Variants in CHST11 observed in about 807,000 individuals in gnomAD.
CHST11 encodes C4S-1.
A neutral mutation model predicts 30.4 loss-of-function variants in CHST11; 9 were observed. That is an observed-to-expected ratio of 0.30 (90% CI 0.18 to 0.52). The LOEUF is 0.52. Ranked by LOEUF, CHST11 falls within the 20% of genes least tolerant of loss-of-function variation. The probability of loss-of-function intolerance (pLI) is 0.97; values close to 1 mark genes in which losing one functional copy is unlikely to be tolerated. For missense variants in CHST11, 348 were observed against 460.6 expected, an observed-to-expected ratio of 0.76 and a Z score of 2.24; for synonymous variants, 152 against 187.8, an observed-to-expected ratio of 0.81 and a Z score of 1.56.
intron 1 of CHST11, among the ~76,000 whole-genome samples, chr12:104,574,644 G>A (rs999325519): frequency 8.6e-5 from 13 of 151,852 alleles, no homozygotes; most frequent in Non-Finnish European, 1.6e-4. Context: ...TCACTCATAG[G>A]TGGGAATTGA....
intron 1 of CHST11, among the ~76,000 whole-genome samples, chr12:104,568,675 C>G (rs2038593560): frequency 6.6e-6 from 1 of 152,112 alleles, no homozygotes; most frequent in Non-Finnish European, 1.5e-5. Flanking sequence ...TATCAACTCA[C>G]TTAAACCTGC....
rs187736460 is a variant in CHST11, at chr12:104,674,406, G to A, written c.204+72415G>A. ...TTATACTTAATCCTTGCATCCTAACGAGGAAGGTGCTGTTACAATCCACAT... is the reference window on the plus strand; with the variant it reads ...TTATACTTAATCCTTGCATCCTAACAAGGAAGGTGCTGTTACAATCCACAT... On this transcript the variant is annotated intron_variant, in intron 2 of 2. Coordinates refer to ENST00000303694, the MANE Select transcript of CHST11 (RefSeq NM_018413.6). 4.3e-4 allele frequency among the ~76,000 whole-genome samples: 66 copies of A among 152,266 alleles called. 1 individual carries two copies. The highest frequency in any genetic ancestry group is 2.9e-3 in the Admixed American group (45 of 15,298).
chr12:104,719,431 G>A (rs1048341165), intron 2 of CHST11, among the ~76,000 whole-genome samples: 2 of 152,112 alleles, frequency 1.3e-5, no homozygotes, highest in African/African-American at 2.4e-5. Flanking sequence ...ATCCACCCAC[G>A]CTCCCCTTGC....
At chr12:104,479,443 C>T (rs563126660) in intron 1 of CHST11, among the ~76,000 whole-genome samples, 21 of 152,256 alleles carry the variant, frequency 1.4e-4, no homozygotes, top group Non-Finnish European at 2.1e-4. Context: ...GCTCCTAGAA[C>T]GGTGCCTGTC....
chr12:104,604,108 G>A (rs989730399), intron 2 of CHST11, among the ~76,000 whole-genome samples: 2 of 152,260 alleles, frequency 1.3e-5, no homozygotes, highest in East Asian at 1.9e-4. Context: ...TTTGACTGGC[G>A]AGGCAGACTC....
rs1246853744 is a variant in CHST11, at chr12:104,457,304, C to T, written c.-108C>T. 3 of 712,902 alleles carry T rather than the reference C, an allele frequency of 4.2e-6. No individual in the cohort carries two copies. Among genetic ancestry groups the T allele is most frequent in the South Asian group, 1.6e-5 (1 of 61,178 alleles). 44.2% of individuals were successfully genotyped at this position (712,902 alleles called of 1,614,324 possible). A position where few individuals can be genotyped will look rare whatever the true frequency, so the allele number is the denominator to read the frequency against. ...TCCGATCCTCCCTCTGAGCCTTGCTCAGCTCTGCCCCGCGCCTCCCGGGCT... is the reference window on the plus strand; with the variant it reads ...TCCGATCCTCCCTCTGAGCCTTGCTTAGCTCTGCCCCGCGCCTCCCGGGCT... On this transcript the variant is annotated 5_prime_UTR_variant, in exon 1 of 3. Coordinates refer to ENST00000303694, the MANE Select transcript of CHST11 (RefSeq NM_018413.6).
At chr12:104,699,342 A>C (rs1233652936) in intron 2 of CHST11, among the ~76,000 whole-genome samples, 1 of 152,266 alleles carries the variant, frequency 6.6e-6, no homozygotes, top group Non-Finnish European at 1.5e-5. Flanking sequence ...AAGAGTACAA[A>C]GAAAGTAAAA....
intron 1 of CHST11, among the ~76,000 whole-genome samples, chr12:104,492,730 T>G (rs2135968723): frequency 6.6e-6 from 1 of 152,312 alleles, no homozygotes; most frequent in Middle Eastern, 3.4e-3. Flanking sequence ...ATTAAGGTTT[T>G]AGTAATAAGA....
At chr12:104,699,493 G>GT (rs565662198) in intron 2 of CHST11, among the ~76,000 whole-genome samples, 148 of 152,292 alleles carry the variant, frequency 9.7e-4, no homozygotes, top group African/African-American at 3.3e-3. Context: ...ATTTTAGATT[G>GT]TAAGTGTGGC....
At chr12:104,632,061 T>G (rs1258856691) in intron 2 of CHST11, among the ~76,000 whole-genome samples, 1 of 152,148 alleles carries the variant, frequency 6.6e-6, no homozygotes, top group Non-Finnish European at 1.5e-5. Context: ...GGAAGACAGA[T>G]GTAGGCACAG....
intron 1 of CHST11, among the ~76,000 whole-genome samples, chr12:104,594,710 A>G (rs1280221461): frequency 6.6e-6 from 1 of 152,128 alleles, no homozygotes; most frequent in Non-Finnish European, 1.5e-5. Context: ...TAATCCCAGC[A>G]CTCTGGGAGA....
chr12:104,469,548 G>A (rs2037488478), intron 1 of CHST11, among the ~76,000 whole-genome samples: 1 of 152,182 alleles, frequency 6.6e-6, no homozygotes, highest in African/African-American at 2.4e-5. Flanking sequence ...GGGTGGGTTA[G>A]CATGGCTCAT....
intron 2 of CHST11, among the ~76,000 whole-genome samples, chr12:104,730,453 A>G (rs2040247882): frequency 6.6e-6 from 1 of 152,180 alleles, no homozygotes; most frequent in Admixed American, 6.5e-5. Context: ...AACTCCTGCC[A>G]TGCTAGGTGT....
chr12:104,719,397 C>T (rs143272362), intron 2 of CHST11, among the ~76,000 whole-genome samples: 114 of 152,266 alleles, frequency 7.5e-4, no homozygotes, highest in African/African-American at 2.5e-3. Flanking sequence ...ACCTGAGATC[C>T]GAAGTTCTGG....
intron 1 of CHST11, among the ~76,000 whole-genome samples, chr12:104,544,705 TA>T (rs755404934): frequency 0.078 from 7,299 of 93,162 alleles, 747 homozygotes; most frequent in African/African-American, 0.22. Flanking sequence ...AGACTTGGTC[TA>T]AAAAAAAAAA....
chr12:104,473,896 C>T (rs1157249998), intron 1 of CHST11, among the ~76,000 whole-genome samples: 3 of 151,908 alleles, frequency 2.0e-5, no homozygotes, highest in Admixed American at 2.0e-4. Flanking sequence ...CTTTATTTTC[C>T]GTTAAAACAT....
At chr12:104,642,973 A>G (rs2039391836) in intron 2 of CHST11, among the ~76,000 whole-genome samples, 1 of 152,186 alleles carries the variant, frequency 6.6e-6, no homozygotes, top group African/African-American at 2.4e-5. Context: ...ACACATTGTC[A>G]TACCAATTAG....
chr12:104,758,124 A>G lies in CHST11; in HGVS notation c.*321A>G, dbSNP rs2040495349. The stretch of plus-strand genomic sequence containing the variant: ...TTTATAGTTATTTAAACATGGTCTC[A>G]TTATTTCTTTTTGTGGCAGCAAAAT... On this transcript the variant is annotated 3_prime_UTR_variant, in exon 3 of 3. Coordinates refer to ENST00000303694, the MANE Select transcript of CHST11 (RefSeq NM_018413.6). 1 of 189,162 alleles carries G rather than the reference A, an allele frequency of 5.3e-6. No homozygotes were observed. Among genetic ancestry groups the G allele is most frequent in the Non-Finnish European group, 1.1e-5 (1 of 91,858 alleles). 11.7% of individuals were successfully genotyped at this position (189,162 alleles called of 1,614,324 possible). A position where few individuals can be genotyped will look rare whatever the true frequency, so the allele number is the denominator to read the frequency against.
At chr12:104,704,411 C>A (rs1445316151) in intron 2 of CHST11, among the ~76,000 whole-genome samples, 1 of 152,152 alleles carries the variant, frequency 6.6e-6, no homozygotes, top group Non-Finnish European at 1.5e-5. Flanking sequence ...GCAGCAGCCC[C>A]TGCAGAGGTG....
Sources: gnomAD v4.1 joint callset for allele counts (sites outside exome capture counted in the v4.1 genomes callset) on GRCh38, gnomAD v4.1.1 for gene constraint, MANE v1.5 for transcripts, NCBI Gene and HGNC (gene_info 2026-07-23, HGNC 2026-07-21) for gene names.